THEMIS: variants seen among roughly 807,000 people sequenced by gnomAD.
THEMIS encodes thymocyte selection associated.
THEMIS carries 37 observed loss-of-function variants against 52.6 expected under a neutral mutation model. The observed-to-expected ratio is 0.70, with a 90% confidence interval of 0.54 to 0.93. THEMIS has a LOEUF of 0.93. Ranked by LOEUF, THEMIS falls within the 40% of genes least tolerant of loss-of-function variation. The pLI is 0.00. For synonymous variants in THEMIS, 292 were observed against 272.7 expected (o/e 1.07, Z -0.70); for missense variants, 808 against 763.1 (o/e 1.06, Z -0.69).
intron 4 of THEMIS, among the ~76,000 whole-genome samples, chr6:127,787,281 C>T (rs11961701): frequency 0.06 from 9,128 of 152,052 alleles, 354 homozygotes; most frequent in African/African-American, 0.098. Flanking sequence ...TGCACGCACA[C>T]ACACACACAC....
chr6:127,712,238 A>T (rs987955803), intron 5 of THEMIS, among the ~76,000 whole-genome samples: 2 of 151,954 alleles, frequency 1.3e-5, no homozygotes, highest in African/African-American at 2.4e-5. Context: ...TTCCAAATAA[A>T]AAACTGGGAT....
intron 3 of THEMIS, among the ~76,000 whole-genome samples, chr6:127,820,663 TTCTA>T (rs1008563289): frequency 6.6e-6 from 1 of 152,082 alleles, no homozygotes; most frequent in African/African-American, 2.4e-5. Context: ...CTACCTTTCT[TTCTA>T]TACTAAGTGC....
At chr6:127,830,132 A>G (rs1425311278) in intron 2 of THEMIS, among the ~76,000 whole-genome samples, 198 bp from the exon 3 acceptor site, 3 of 152,204 alleles carry the variant, frequency 2.0e-5, no homozygotes, top group Admixed American at 2.0e-4. Context: ...TCACTAGATC[A>G]TAAGACCAGA....
chr6:127,862,428 A>ATTTTTTTTTTTTTTTTTTTTTTTTTT lies in THEMIS; in HGVS notation c.92-7241_92-7240insAAAAAAAAAAAAAAAAAAAAAAAAAA, dbSNP rs71028110. On this transcript the variant is annotated intron_variant, in intron 1 of 5. Coordinates refer to ENST00000368248, the MANE Select transcript of THEMIS (RefSeq NM_001010923.3). ...GCAGGTGAAATCTCCTAGGGAGTAA[A>ATTTTTTTTTTTTTTTTTTTTTTTTTT]TTTTTTTTTTTTTTTTTTTTTTGCT... Among the ~76,000 whole-genome samples, 50 of 72,784 alleles carry ATTTTTTTTTTTTTTTTTTTTTTTTTT rather than the reference A, an allele frequency of 6.9e-4. 6 individuals are homozygous for ATTTTTTTTTTTTTTTTTTTTTTTTTT. Among genetic ancestry groups the ATTTTTTTTTTTTTTTTTTTTTTTTTT allele is most frequent in the African/African-American group, 1.1e-3 (23 of 21,062 alleles). 47.7% of individuals were successfully genotyped at this position (72,784 alleles called of 152,430 possible). A position where few individuals can be genotyped will look rare whatever the true frequency, so the allele number is the denominator to read the frequency against.
At chr6:127,809,716 T>A (rs1777836151) in intron 4 of THEMIS, among the ~76,000 whole-genome samples, 1 of 151,830 alleles carries the variant, frequency 6.6e-6, no homozygotes, top group South Asian at 2.1e-4. Flanking sequence ...AGAAACCTGT[T>A]CCAACATATT....
intron 4 of THEMIS, among the ~76,000 whole-genome samples, chr6:127,812,063 A>T (rs1777926498): frequency 6.6e-6 from 1 of 152,192 alleles, no homozygotes; most frequent in Non-Finnish European, 1.5e-5. Context: ...TGTTTCCCCA[A>T]GCTGCAAGTA....
intron 4 of THEMIS, among the ~76,000 whole-genome samples, chr6:127,777,499 T>A (rs1238225997): frequency 6.6e-6 from 1 of 152,174 alleles, no homozygotes; most frequent in Admixed American, 6.5e-5. Context: ...GAGAAAAGAT[T>A]TGTCATATCA....
intron 1 of THEMIS, among the ~76,000 whole-genome samples, chr6:127,867,108 C>A (rs1011243984): frequency 2.6e-5 from 4 of 151,776 alleles, no homozygotes; most frequent in East Asian, 1.9e-4. Flanking sequence ...CTAAAGAATT[C>A]TTTTAGTTAT....
At chr6:127,824,598 T>TA (rs147570426) in intron 3 of THEMIS, among the ~76,000 whole-genome samples, 18,160 of 148,198 alleles carry the variant, frequency 0.12, 1,491 homozygotes, top group East Asian at 0.36. Flanking sequence ...CACCAAAACT[T>TA]AAAAAAAAAA....
At chr6:127,703,035 G>GGTTTTTTTTTTTT in the THEMIS span, among the ~76,000 whole-genome samples, 663 of 82,356 alleles carry the variant, frequency 8.1e-3, 143 homozygotes, top group Middle Eastern at 0.031. Context: ...TTTAGAATGA[G>GGTTTTTTTTTTTT]TTTTTTTTTT....
At chr6:127,734,896 AATATAT>A (rs1295073194) in intron 4 of THEMIS, among the ~76,000 whole-genome samples, 2 of 65,424 alleles carry the variant, frequency 3.1e-5, no homozygotes, top group African/African-American at 5.5e-5. Context: ...AAAAAAAAAA[AATATAT>A]ATATATATAT....
chr6:127,823,260 G>T lies in THEMIS; in HGVS notation c.709+6216C>A, dbSNP rs541174962. ...ATCTACTGGTTCTAAATGTCATGTT[G>T]TCGTAGTATTTTCATGGACACATTG... On this transcript the variant is annotated intron_variant, in intron 3 of 5. Transcript: ENST00000368248. Among the ~76,000 whole-genome samples, 16 of 152,232 alleles carry T rather than the reference G, an allele frequency of 1.1e-4. No homozygotes were observed. The East Asian group carries it at 3.1e-3, about 29-fold the overall frequency.
chr6:127,886,878 T>C (rs771174768), intron 1 of THEMIS, among the ~76,000 whole-genome samples: 1 of 152,048 alleles, frequency 6.6e-6, no homozygotes, highest in Admixed American at 6.6e-5. Context: ...TATAATAGCT[T>C]ATGTAGTTCG....
intron 3 of THEMIS, among the ~76,000 whole-genome samples, chr6:127,819,932 T>G (rs898719944): frequency 1.3e-5 from 2 of 152,178 alleles, no homozygotes; most frequent in African/African-American, 4.8e-5. Flanking sequence ...AACAGTCTGT[T>G]AAAACTAATA....
intron 3 of THEMIS, among the ~76,000 whole-genome samples, chr6:127,815,569 T>C (rs796199888): frequency 3.3e-5 from 5 of 152,262 alleles, no homozygotes; most frequent in African/African-American, 1.2e-4. Flanking sequence ...TCTGCAAAAT[T>C]GTAAAGATTT....
Position 127,709,610 on chromosome 6 carries a change from A to G in THEMIS, c.*375T>C, listed in dbSNP as rs965154439. The stretch of plus-strand genomic sequence containing the variant: ...ACAAATTCTGGAAAAAAAAGAAAAT[A>G]TTTGGTGGCTTTTATCCTATTTCAG... On this transcript the variant is annotated 3_prime_UTR_variant, in exon 6 of 6. Coordinates refer to ENST00000368248, the MANE Select transcript of THEMIS (RefSeq NM_001010923.3). 1.2e-5 allele frequency: 2 copies of G among 169,164 alleles called. No individual in the cohort carries two copies. Among genetic ancestry groups the G allele is most frequent in the African/African-American group, 4.7e-5 (2 of 42,190 alleles). 10.5% of individuals were successfully genotyped at this position (169,164 alleles called of 1,614,324 possible). A position where few individuals can be genotyped will look rare whatever the true frequency, so the allele number is the denominator to read the frequency against.
chr6:127,726,697 C>T (rs1246495290), intron 4 of THEMIS, among the ~76,000 whole-genome samples: 1 of 152,060 alleles, frequency 6.6e-6, no homozygotes, highest in African/African-American at 2.4e-5. Context: ...TGGAAAAAAT[C>T]AAATACTAGT....
At chr6:127,823,026 T>C (rs901677627) in intron 3 of THEMIS, among the ~76,000 whole-genome samples, 4 of 152,202 alleles carry the variant, frequency 2.6e-5, no homozygotes, top group Non-Finnish European at 5.9e-5. Flanking sequence ...ATAAACACTG[T>C]ATATATTAAT....
chr6:127,786,223 C>A (rs1293047811), intron 4 of THEMIS, among the ~76,000 whole-genome samples: 1 of 152,124 alleles, frequency 6.6e-6, no homozygotes, highest in Non-Finnish European at 1.5e-5. Context: ...TTACCCTGTT[C>A]TAGCCTACAT....
Sources: allele counts gnomAD v4.1 joint callset (sites outside exome capture counted in the v4.1 genomes callset), GRCh38; gene constraint gnomAD v4.1.1; transcripts MANE v1.5; gene names NCBI Gene and HGNC (gene_info 2026-07-23, HGNC 2026-07-21).